The following PPP2R3A variants were observed in gnomAD, a reference collection of about 807,000 sequenced individuals.
The protein encoded by PPP2R3A is protein phosphatase 2 regulatory subunit B''alpha.
A neutral mutation model predicts 106.9 loss-of-function variants in PPP2R3A; 80 were observed. The observed-to-expected ratio is 0.75, with a 90% CI of 0.62 to 0.90. The LOEUF is 0.90. Ranked by LOEUF, PPP2R3A falls within the 40% of genes least tolerant of loss-of-function variation. The pLI, the probability that PPP2R3A is intolerant of heterozygous loss-of-function variation, is 0.00. For synonymous variants in PPP2R3A, 483 were observed against 468.3 expected (o/e 1.03, Z -0.41); for missense variants, 1,386 against 1,350.4 (o/e 1.03, Z -0.41).
At chr3:136,094,152 G>T (rs1937161988) in intron 10 of PPP2R3A, among the ~76,000 whole-genome samples, 1 of 152,206 alleles carries the variant, frequency 6.6e-6, no homozygotes, top group Non-Finnish European at 1.5e-5. Flanking sequence ...TATATGAGTT[G>T]TCCAGAATAG....
intron 1 of PPP2R3A, among the ~76,000 whole-genome samples, chr3:135,969,780 T>C (rs1937191882): frequency 6.6e-6 from 1 of 152,222 alleles, no homozygotes; most frequent in South Asian, 2.1e-4. Flanking sequence ...AGATTTCTCA[T>C]GAAAAATCCA....
intron 3 of PPP2R3A, among the ~76,000 whole-genome samples, chr3:136,033,617 TTG>T (rs1275502634): frequency 2.0e-5 from 3 of 152,112 alleles, no homozygotes; most frequent in Non-Finnish European, 4.4e-5. Context: ...GCTAGAAGGG[TTG>T]TATCTTTCCA....
intron 2 of PPP2R3A, among the ~76,000 whole-genome samples, chr3:136,015,464 AT>A (rs971648964): frequency 6.7e-5 from 10 of 148,708 alleles, no homozygotes; most frequent in South Asian, 4.3e-4. Context: ...TTTGTTGGCA[AT>A]TTTTTTTTAT....
At chr3:135,977,474 G>C (rs956069822) in intron 1 of PPP2R3A, among the ~76,000 whole-genome samples, 3 of 152,076 alleles carry the variant, frequency 2.0e-5, no homozygotes, top group African/African-American at 7.2e-5. Flanking sequence ...TTTATTGTCT[G>C]CTTTGTTGGT....
intron 3 of PPP2R3A, among the ~76,000 whole-genome samples, chr3:136,030,823 T>TACACACAC (rs1934859122): frequency 3.5e-5 from 5 of 141,130 alleles, no homozygotes; most frequent in African/African-American, 1.5e-4. Context: ...TGTATGTATG[T>TACACACAC]ATACACACAC....
At chr3:136,089,991 T>G (rs1412459234) in intron 9 of PPP2R3A, among the ~76,000 whole-genome samples, 5 of 152,212 alleles carry the variant, frequency 3.3e-5, no homozygotes, top group Non-Finnish European at 7.3e-5. Context: ...TATTATTAGT[T>G]CTGAAAGCGT....
chr3:136,006,040 G>A (rs1933832669), intron 2 of PPP2R3A, among the ~76,000 whole-genome samples: 1 of 152,162 alleles, frequency 6.6e-6, no homozygotes, highest in Non-Finnish European at 1.5e-5. Flanking sequence ...CTGTGTTCCT[G>A]GCTAACACCT....
intron 2 of PPP2R3A, among the ~76,000 whole-genome samples, chr3:136,012,013 A>ACACACACACT (rs565941931): frequency 1.3e-5 from 2 of 150,218 alleles, no homozygotes; most frequent in African/African-American, 4.9e-5. Context: ...ACACACACAC[A>ACACACACACT]CTCTCCACCA....
chr3:136,071,610 G>C (rs935260092), intron 6 of PPP2R3A, among the ~76,000 whole-genome samples: 3 of 152,084 alleles, frequency 2.0e-5, no homozygotes, highest in African/African-American at 4.8e-5. Flanking sequence ...TTGCCCCATA[G>C]TCTAGCCTCC....
rs186555318 is a variant in PPP2R3A at position 136,089,104 on chromosome 3, A to G, written c.2837+1173A>G. On this transcript the variant is annotated intron_variant, in intron 9 of 13. Coordinates refer to ENST00000264977, the MANE Select transcript of PPP2R3A (RefSeq NM_002718.5). ...TAGTTTAATTAGGTCCCAATCATCA[A>G]TTTTTGGTTGTGTTGCAGTTGCTTT... 3.4e-4 allele frequency among the ~76,000 whole-genome samples: 52 copies of G among 152,126 alleles called. No individual in the cohort carries two copies. The East Asian group carries it at 9.7e-3, about 28-fold the overall frequency.
At chr3:136,059,137 G>C (rs548367575) in intron 5 of PPP2R3A, among the ~76,000 whole-genome samples, 57 of 152,124 alleles carry the variant, frequency 3.7e-4, no homozygotes, top group African/African-American at 1.3e-3. Context: ...ATTGACAAAT[G>C]GGATCTAATT....
chr3:136,055,563 A>G, intron 5 of PPP2R3A: 1 of 1,385,760 alleles, frequency 7.2e-7, no homozygotes, highest in African/African-American at 1.4e-5. Context: ...TCAAATCTTC[A>G]CAGAGCGGGT....
intron 13 of PPP2R3A, among the ~76,000 whole-genome samples, chr3:136,144,659 T>G (rs951680027): frequency 3.4e-5 from 5 of 146,504 alleles, no homozygotes; most frequent in Admixed American, 6.7e-5. Context: ...AGGCTCCGTC[T>G]CAAAAAAAAA....
rs1262306853 is a variant in PPP2R3A at position 136,002,444 on chromosome 3, A to G, written c.946A>G (p.Ser316Gly). The G allele has an allele frequency of 4.3e-6, 7 of 1,613,916 alleles. No homozygotes were observed. Among genetic ancestry groups the G allele is most frequent in the Non-Finnish European group, 5.1e-6 (6 of 1,179,790 alleles). ...DLTELISNMPSLQLTPFSPVF... is the reference protein window; with the variant it reads ...DLTELISNMPGLQLTPFSPVF... ...AACAGAACTGATCAGTAATATGCCT[A>G]GCTTACAACTGACTCCCTTCTCCCC... Residue 316 changes from serine (S) to glycine (G), a missense_variant, in exon 2 of 14, where the codon AGC becomes GGC. Transcript: ENST00000264977.
chr3:136,055,625 G>A, intron 5 of PPP2R3A: 1 of 1,360,600 alleles, frequency 7.3e-7, no homozygotes, highest in Middle Eastern at 1.8e-4. Context: ...TTTAACACCT[G>A]CCTGCCAATG....
intron 3 of PPP2R3A, among the ~76,000 whole-genome samples, chr3:136,030,778 A>ATATGTATGTATG (rs1160535378): frequency 1.7e-4 from 19 of 111,294 alleles, no homozygotes; most frequent in Non-Finnish European, 2.9e-4. Flanking sequence ...ATATATATAT[A>ATATGTATGTATG]TATGTATGTA....
chr3:136,089,811 T>C (rs1478502556), intron 9 of PPP2R3A, among the ~76,000 whole-genome samples: 2 of 152,104 alleles, frequency 1.3e-5, no homozygotes, highest in East Asian at 1.9e-4. Context: ...CCTGTAGAGA[T>C]TTTTCACCTC....
At chr3:136,055,623 C>T in intron 5 of PPP2R3A, 2 of 1,368,140 alleles carry the variant, frequency 1.5e-6, no homozygotes, top group East Asian at 2.3e-5. Flanking sequence ...TATTTAACAC[C>T]TGCCTGCCAA....
chr3:136,082,721 CCT>C (rs1352147868), intron 8 of PPP2R3A, among the ~76,000 whole-genome samples: 6 of 152,164 alleles, frequency 3.9e-5, no homozygotes, highest in African/African-American at 1.4e-4. Context: ...AAGATCCACA[CCT>C]GTTTAAATCT....
Sources: allele counts gnomAD v4.1 joint callset (sites outside exome capture counted in the v4.1 genomes callset), GRCh38; gene constraint gnomAD v4.1.1; transcripts MANE v1.5; gene names NCBI Gene and HGNC (gene_info 2026-07-23, HGNC 2026-07-21).